Variants in TDRD9 observed in about 807,000 individuals in gnomAD.
TDRD9 encodes the protein ATP-dependent RNA helicase TDRD9.
Under a neutral mutation model 172.6 loss-of-function variants are expected in TDRD9, and 124 were observed. The observed-to-expected ratio is 0.72, with a 90% CI of 0.62 to 0.83. TDRD9 has a LOEUF of 0.83. TDRD9 is among the 40% of genes least tolerant of loss of function. The pLI is 0.00. For missense variants in TDRD9, 1,479 were observed against 1,714.1 expected (o/e 0.86, Z 2.42); for synonymous variants, 619 against 617.1 (o/e 1.00, Z -0.05).
chr14:103,991,076 A>G, intron 8 of TDRD9, 84 bp from the exon 9 acceptor site: 2 of 1,518,042 alleles, frequency 1.3e-6, no homozygotes, highest in Non-Finnish European at 1.8e-6. Flanking sequence ...TTTCAGGATT[A>G]AAAGCCTGTA....
chr14:104,024,504 C>T (rs1351067221), intron 24 of TDRD9, 65 bp from the exon 25 acceptor site: 2 of 826,972 alleles, frequency 2.4e-6, no homozygotes, highest in East Asian at 2.6e-5. Flanking sequence ...GATAATTTCA[C>T]ATATGTAAAT....
intron 20 of TDRD9, 44 bp from the exon 21 acceptor site, chr14:104,014,681 C>G: frequency 8.8e-7 from 1 of 1,137,100 alleles, no homozygotes; most frequent in African/African-American, 1.5e-5. Context: ...GCTCTGATGA[C>G]ATATGTACCT....
At chr14:103,942,345 AACTG>A (rs530840426) in intron 1 of TDRD9, 4 of 152,276 alleles carry the variant, frequency 2.6e-5, no homozygotes, top group South Asian at 2.1e-4. Flanking sequence ...TGACAAAAAT[AACTG>A]ACTATTTAAT....
At chr14:103,969,129 A>C (rs553126923) in intron 5 of TDRD9, among the ~76,000 whole-genome samples, 2,445 of 150,052 alleles carry the variant, frequency 0.016, 51 homozygotes, top group African/African-American at 0.053. Context: ...AAAACCCCCC[A>C]AAAAAAACTA....
intron 1 of TDRD9, among the ~76,000 whole-genome samples, chr14:103,936,169 C>T (rs760863254): frequency 6.6e-6 from 1 of 152,144 alleles, no homozygotes; most frequent in Non-Finnish European, 1.5e-5. Context: ...GCAGCCTTGA[C>T]GTGGGCTCAA....
At chr14:104,046,411 C>T (rs1487553894) in intron 34 of TDRD9, among the ~76,000 whole-genome samples, 2 of 152,054 alleles carry the variant, frequency 1.3e-5, no homozygotes, top group African/African-American at 4.8e-5. Flanking sequence ...GTATGTGATA[C>T]AAGAGCCTAA....
intron 30 of TDRD9, 123 bp downstream of exon 30, chr14:104,032,210 CTTTTCTTTTTTTTT>C (rs2035304303): frequency 3.1e-6 from 2 of 648,334 alleles, no homozygotes; most frequent in African/African-American, 1.9e-5. Flanking sequence ...CTTTTCTTTT[CTTTTCTTTTTTTTT>C]GAGACAGAGT....
At chr14:103,979,423 A>G (rs1172172019) in intron 7 of TDRD9, among the ~76,000 whole-genome samples, 3 of 152,236 alleles carry the variant, frequency 2.0e-5, no homozygotes, top group African/African-American at 7.2e-5. Flanking sequence ...TACAAGAACC[A>G]TGGCACTGGC....
At chr14:103,986,418 C>A in intron 8 of TDRD9, 98 bp downstream of exon 8, 1 of 855,074 alleles carries the variant, frequency 1.2e-6, no homozygotes, top group Non-Finnish European at 1.8e-6. Flanking sequence ...GAAGGTATAA[C>A]TATAGGTACT....
At chr14:103,968,593 G>A (rs373053461) in intron 5 of TDRD9, among the ~76,000 whole-genome samples, 3 of 149,074 alleles carry the variant, frequency 2.0e-5, no homozygotes, top group Admixed American at 6.7e-5. Flanking sequence ...TCAGGAGATC[G>A]AGACCATCCT....
intron 2 of TDRD9, among the ~76,000 whole-genome samples, chr14:103,956,658 CTACT>C (rs1383877561): frequency 2.5e-5 from 3 of 120,848 alleles, no homozygotes; most frequent in Non-Finnish European, 5.2e-5. Context: ...TTAATTAAAA[CTACT>C]TTTTTTTTTT....
chr14:103,946,650 C>T (rs1287250426), intron 1 of TDRD9, among the ~76,000 whole-genome samples: 2 of 152,100 alleles, frequency 1.3e-5, no homozygotes, highest in African/African-American at 4.8e-5. Flanking sequence ...TGTAGAAACC[C>T]CTAAAGATTC....
rs1566744740 is a variant in TDRD9 at position 103,965,533 on chromosome 14, G to C, written c.621G>C (p.Leu207=). 9 of 1,551,318 alleles carry C rather than the reference G, an allele frequency of 5.8e-6. No individual in the cohort carries two copies. In the Middle Eastern group the frequency reaches 1.0e-3, roughly 178 times the overall value. The part of the protein sequence containing the change: ...RWISKERAWT[L]GGVVGYQVGL... ...TCAGTAAAGAGCGTGCCTGGACCCT[G>C]GGAGGTGTGGTGGGCTACCAGGTGA... is the stretch of plus-strand genomic sequence containing the variant. Residue 207 remains leucine, a synonymous_variant, in exon 4 of 36, where the codon CTG becomes CTC. Coordinates refer to ENST00000409874, the MANE Select transcript of TDRD9 (RefSeq NM_153046.3).
chr14:104,051,841 T>C (rs2035943421), intron 35 of TDRD9, 140 bp from the exon 36 acceptor site: 1 of 552,840 alleles, frequency 1.8e-6, no homozygotes, highest in Admixed American at 3.2e-5. Context: ...GTATGAAGTG[T>C]GAGAGTAGAG....
At chr14:104,010,569 CTTT>C (rs147141939) in intron 20 of TDRD9, among the ~76,000 whole-genome samples, 5 of 134,824 alleles carry the variant, frequency 3.7e-5, no homozygotes, top group Non-Finnish European at 4.8e-5. Flanking sequence ...TGTTTGTTTC[CTTT>C]TTTTTTTTTT....
At chr14:103,951,685 C>G (rs2031876400) in intron 1 of TDRD9, among the ~76,000 whole-genome samples, 1 of 152,176 alleles carries the variant, frequency 6.6e-6, no homozygotes, top group Non-Finnish European at 1.5e-5. Context: ...CAGTTAAGTC[C>G]ATTCTCTGGT....
chr14:103,999,256 A>G (rs1261481800), intron 13 of TDRD9, among the ~76,000 whole-genome samples: 1 of 152,180 alleles, frequency 6.6e-6, no homozygotes, highest in African/African-American at 2.4e-5. Context: ...TTTGTACATA[A>G]TGGATAAACC....
intron 7 of TDRD9, among the ~76,000 whole-genome samples, chr14:103,984,820 A>G (rs1339008497): frequency 1.3e-5 from 2 of 152,168 alleles, no homozygotes; most frequent in Admixed American, 6.5e-5. Flanking sequence ...CAGACATTCA[A>G]TGCCAGCCCA....
intron 7 of TDRD9, among the ~76,000 whole-genome samples, chr14:103,985,696 A>G (rs1448605736): frequency 2.6e-5 from 4 of 152,170 alleles, no homozygotes; most frequent in African/African-American, 9.7e-5. Flanking sequence ...GTAGACGGAT[A>G]CCTCATCATG....
Sources: gnomAD v4.1 joint callset for allele counts (sites outside exome capture counted in the v4.1 genomes callset) on GRCh38, gnomAD v4.1.1 for gene constraint, MANE v1.5 for transcripts, NCBI Gene and HGNC (gene_info 2026-07-23, HGNC 2026-07-21) for gene names.